The following FAT3 variants were observed in gnomAD, a reference collection of about 807,000 sequenced individuals.
FAT3 encodes protocadherin Fat 3.
In FAT3, 95 loss-of-function variants were observed where a neutral mutation model predicts 310.2. That is an observed-to-expected ratio of 0.31 (90% CI 0.26 to 0.36). The LOEUF is 0.36. Among genes scored for constraint, FAT3 ranks in the 10% least tolerant of loss-of-function variants. The pLI, the probability that FAT3 is intolerant of heterozygous loss-of-function variation, is 1.00. For missense variants in FAT3, 5,408 were observed against 5,715.6 expected, an observed-to-expected ratio of 0.95 and a Z score of 1.74; for synonymous variants, 2,314 against 2,192.9, an observed-to-expected ratio of 1.06 and a Z score of -1.54.
chr11:92,389,706 G>T (rs188103252), intron 2 of FAT3, among the ~76,000 whole-genome samples: 1 of 152,222 alleles, frequency 6.6e-6, no homozygotes, highest in Non-Finnish European at 1.5e-5. Context: ...GAGGAAAATG[G>T]ACTTTTCCTT....
rs2136462038 is a variant in FAT3, at chr11:92,894,965, G to A, written c.*3852G>A. On this transcript the variant is annotated 3_prime_UTR_variant, in exon 28 of 28. Coordinates refer to ENST00000525166, the MANE Select transcript of FAT3 (RefSeq NM_001367949.2). ...TATCCACTACCCCCACTGATGCTAT[G>A]TTTGCATCATCAAAGTCAGGGGAAT... 6.6e-6 allele frequency: 1 copy of A among 152,220 alleles called. No homozygotes were observed. The highest frequency in any genetic ancestry group is 1.5e-5 in the Non-Finnish European group (1 of 68,008). 9.4% of individuals were successfully genotyped at this position (152,220 alleles called of 1,614,324 possible).
chr11:92,395,868 C>T (rs1227063466), intron 2 of FAT3, among the ~76,000 whole-genome samples: 3 of 152,120 alleles, frequency 2.0e-5, no homozygotes, highest in Non-Finnish European at 2.9e-5. Context: ...CATCAGCCAC[C>T]ACGCCCGGCC....
At chr11:92,661,422 T>C (rs1034605833) in intron 3 of FAT3, among the ~76,000 whole-genome samples, 4 of 152,160 alleles carry the variant, frequency 2.6e-5, no homozygotes, top group African/African-American at 9.7e-5. Context: ...TCCATTACCA[T>C]ATGTGGTGAA....
intron 1 of FAT3, among the ~76,000 whole-genome samples, chr11:92,306,332 C>G (rs901890255): frequency 1.3e-5 from 2 of 150,562 alleles, no homozygotes; most frequent in Admixed American, 1.3e-4. Flanking sequence ...ACTGGGGGTG[C>G]TCTTAGTAGA....
intron 1 of FAT3, among the ~76,000 whole-genome samples, chr11:92,274,548 A>C (rs543151288): frequency 1.3e-5 from 2 of 152,030 alleles, no homozygotes; most frequent in Non-Finnish European, 2.9e-5. Context: ...ACAATATGTC[A>C]ATTTTAAAGA....
intron 2 of FAT3, among the ~76,000 whole-genome samples, chr11:92,374,042 A>AGAGAGAGAGAGAGG: frequency 6.6e-6 from 1 of 151,350 alleles, no homozygotes; most frequent in Non-Finnish European, 1.5e-5. Context: ...AGAGAGAGAG[A>AGAGAGAGAGAGAGG]GAGAGAGAGA....
chr11:92,556,465 C>A (rs1565408790), intron 3 of FAT3, among the ~76,000 whole-genome samples: 2 of 152,166 alleles, frequency 1.3e-5, no homozygotes, highest in Non-Finnish European at 2.9e-5. Context: ...TTATCAAGTC[C>A]TATTCCTGAC....
At chr11:92,431,615 G>C (rs1950781558) in intron 2 of FAT3, among the ~76,000 whole-genome samples, 1 of 152,070 alleles carries the variant, frequency 6.6e-6, no homozygotes, top group Non-Finnish European at 1.5e-5. Flanking sequence ...GTATTGCCTA[G>C]GTTTTCTTCT....
intron 3 of FAT3, among the ~76,000 whole-genome samples, chr11:92,580,449 C>T (rs922244962): frequency 1.3e-5 from 2 of 152,090 alleles, no homozygotes; most frequent in Non-Finnish European, 2.9e-5. Flanking sequence ...TCCTCACCCA[C>T]AATTTGGTAA....
At chr11:92,764,577 T>A (rs1946254177) in intron 5 of FAT3, among the ~76,000 whole-genome samples, 1 of 152,164 alleles carries the variant, frequency 6.6e-6, no homozygotes, top group Non-Finnish European at 1.5e-5. Context: ...TTCATATAAC[T>A]ATTATTCAGG....
chr11:92,806,634 G>T, intron 12 of FAT3, 119 bp downstream of exon 12: 1 of 834,052 alleles, frequency 1.2e-6, no homozygotes. Context: ...AGGGATGGAG[G>T]GAAATTTTCC....
intron 1 of FAT3, among the ~76,000 whole-genome samples, chr11:92,239,782 G>A (rs1047565265): frequency 1.3e-5 from 2 of 152,080 alleles, no homozygotes; most frequent in African/African-American, 4.8e-5. Flanking sequence ...TGTAGAAAAC[G>A]GCATTAACTT....
intron 2 of FAT3, among the ~76,000 whole-genome samples, chr11:92,505,510 C>A (rs1284536179): frequency 6.6e-6 from 1 of 152,132 alleles, no homozygotes; most frequent in African/African-American, 2.4e-5. Flanking sequence ...TGCAGCAGAG[C>A]AAGGTTACAG....
intron 3 of FAT3, among the ~76,000 whole-genome samples, chr11:92,671,557 C>G (rs1943128721): frequency 6.6e-6 from 1 of 151,970 alleles, no homozygotes. Flanking sequence ...TCAAATGGGC[C>G]TTCCCTGTAC....
intron 24 of FAT3, chr11:92,886,731 T>G: frequency 2.4e-6 from 1 of 410,510 alleles, no homozygotes. Context: ...TTGCTTCACT[T>G]CGAGGAAGAA....
chr11:92,402,303 C>G (rs781494326), intron 2 of FAT3, among the ~76,000 whole-genome samples: 1 of 151,820 alleles, frequency 6.6e-6, no homozygotes, highest in African/African-American at 2.4e-5. Context: ...AAATGTAAAC[C>G]AAGAAAGGAT....
intron 3 of FAT3, among the ~76,000 whole-genome samples, chr11:92,657,186 C>G (rs1942611445): frequency 6.6e-6 from 1 of 152,168 alleles, no homozygotes; most frequent in African/African-American, 2.4e-5. Context: ...AGACCCCAAC[C>G]CCAACCCCAG....
chr11:92,306,825 G>A (rs1947152732), intron 1 of FAT3, among the ~76,000 whole-genome samples: 1 of 140,380 alleles, frequency 7.1e-6, no homozygotes, highest in Non-Finnish European at 1.5e-5. Context: ...TTGCTCTATT[G>A]CCCTTGCACT....
chr11:92,798,349 G>T lies in FAT3; in HGVS notation c.5336G>T (p.Ser1779Ile). 1.2e-6 allele frequency: 2 copies of T among 1,613,622 alleles called. No homozygotes were observed. Among genetic ancestry groups the T allele is most frequent in the South Asian group, 2.2e-5 (2 of 91,066 alleles). Reference sequence around the variant, plus strand: ...TTTTCTCAATACTCAGGCAGCCTAAGTGAGGCTGCCCCAATTAATAGCATT... The same window carrying T: ...TTTTCTCAATACTCAGGCAGCCTAATTGAGGCTGCCCCAATTAATAGCATT... ...FLFSQYSGSLSEAAPINSIVR... is the reference protein window; with the variant it reads ...FLFSQYSGSLIEAAPINSIVR... Residue 1779 changes from serine to isoleucine, a missense_variant, in exon 10 of 28, where the codon AGT becomes ATT. Transcript: ENST00000525166.
Sources: allele counts gnomAD v4.1 joint callset (sites outside exome capture counted in the v4.1 genomes callset), GRCh38; gene constraint gnomAD v4.1.1; transcripts MANE v1.5; gene names NCBI Gene and HGNC (gene_info 2026-07-23, HGNC 2026-07-21).